EYS: variants seen among roughly 807,000 people sequenced by gnomAD.
EYS encodes the protein protein eyes shut homolog.
In EYS, 250 loss-of-function variants were observed where a neutral mutation model predicts 282.1. The ratio of observed to expected loss-of-function variants is 0.89; its 90% CI spans 0.80 to 0.98. EYS has a LOEUF of 0.98. EYS is among the 50% of genes least tolerant of loss of function. EYS has a pLI of 0.00. For synonymous variants in EYS, 1,355 were observed against 1,282.9 expected, an observed-to-expected ratio of 1.06 and a Z score of -1.20; for missense variants, 4,016 against 3,709.0, an observed-to-expected ratio of 1.08 and a Z score of -2.15.
chr6:64,711,484 T>C (rs2149934682), intron 22 of EYS, among the ~76,000 whole-genome samples: 1 of 152,328 alleles, frequency 6.6e-6, no homozygotes, highest in Non-Finnish European at 1.5e-5. Flanking sequence ...GATGAAAATC[T>C]ATTAAAATTG....
intron 26 of EYS, among the ~76,000 whole-genome samples, chr6:64,567,138 C>G (rs1765589928): frequency 6.6e-6 from 1 of 150,878 alleles, no homozygotes; most frequent in African/African-American, 2.5e-5. Context: ...TTTTTTTAAG[C>G]TAGGACTAAA....
chr6:63,751,777 T>A (rs1030845667), intron 41 of EYS, among the ~76,000 whole-genome samples: 1 of 152,194 alleles, frequency 6.6e-6, no homozygotes, highest in African/African-American at 2.4e-5. Flanking sequence ...GTATCAATTA[T>A]AGAAAAAATA....
chr6:64,740,444 G>A (rs1772331637), intron 22 of EYS, among the ~76,000 whole-genome samples: 1 of 152,232 alleles, frequency 6.6e-6, no homozygotes, highest in Admixed American at 6.5e-5. Flanking sequence ...ATCTATAGAA[G>A]CAGAGCAAAA....
At chr6:65,192,043 T>C (rs778998107) in intron 12 of EYS, among the ~76,000 whole-genome samples, 85 of 151,828 alleles carry the variant, frequency 5.6e-4, no homozygotes, top group Non-Finnish European at 5.0e-4. Context: ...AAATGGCCAA[T>C]GTAAGGAAAG....
At chr6:64,911,750 C>T (rs1767999204) in intron 16 of EYS, among the ~76,000 whole-genome samples, 1 of 152,080 alleles carries the variant, frequency 6.6e-6, no homozygotes, top group Non-Finnish European at 1.5e-5. Context: ...AGCATTTCCA[C>T]TGAAGATGGT....
At chr6:64,688,288 G>A (rs575208463) in intron 22 of EYS, among the ~76,000 whole-genome samples, 1 of 151,420 alleles carries the variant, frequency 6.6e-6, no homozygotes, top group Non-Finnish European at 1.5e-5. Flanking sequence ...GTTTGCTCTT[G>A]CTTATCTAGT....
chr6:65,366,533 A>C (rs1184525470), intron 8 of EYS, among the ~76,000 whole-genome samples: 1 of 151,724 alleles, frequency 6.6e-6, no homozygotes, highest in Non-Finnish European at 1.5e-5. Flanking sequence ...CACCATATTT[A>C]CATTCAAATT....
chr6:64,425,066 A>C (rs1407545876), intron 28 of EYS, among the ~76,000 whole-genome samples: 1 of 152,202 alleles, frequency 6.6e-6, no homozygotes, highest in African/African-American at 2.4e-5. Flanking sequence ...TGGGGTAAAA[A>C]GCATTTCAGA....
chr6:65,205,852 A>G (rs1383439211), intron 12 of EYS, among the ~76,000 whole-genome samples: 1 of 151,870 alleles, frequency 6.6e-6, no homozygotes, highest in Admixed American at 6.6e-5. Context: ...AAAAATGGAA[A>G]CACAACATAC....
intron 19 of EYS, among the ~76,000 whole-genome samples, chr6:64,828,802 C>T (rs1266720227): frequency 6.6e-6 from 1 of 151,980 alleles, no homozygotes; most frequent in African/African-American, 2.4e-5. Context: ...TAAGTTCATA[C>T]TGTTTCTGTC....
chr6:63,864,460 A>G (rs1275542437), intron 35 of EYS, 102 bp from the exon 36 acceptor site: 4 of 755,860 alleles, frequency 5.3e-6, no homozygotes, highest in East Asian at 3.1e-5. Context: ...AAATAAAATT[A>G]TAATTGCATC....
chr6:65,319,003 A>G (rs906580474), intron 11 of EYS, among the ~76,000 whole-genome samples: 2 of 150,850 alleles, frequency 1.3e-5, no homozygotes, highest in African/African-American at 2.4e-5. Context: ...TCTACTTTTG[A>G]TTTGTGTATT....
At chr6:65,224,761 T>A (rs1766574936) in intron 12 of EYS, among the ~76,000 whole-genome samples, 1 of 152,114 alleles carries the variant, frequency 6.6e-6, no homozygotes, top group South Asian at 2.1e-4. Flanking sequence ...ATAAAAGGAT[T>A]TATAAGAATA....
intron 27 of EYS, 54 bp from the exon 28 acceptor site, chr6:64,436,319 C>A: frequency 1.1e-6 from 1 of 900,208 alleles, no homozygotes; most frequent in Non-Finnish European, 1.8e-6. Flanking sequence ...GAAATTAATA[C>A]CATATATTTG....
intron 5 of EYS, among the ~76,000 whole-genome samples, chr6:65,410,988 T>C (rs1469990520): frequency 2.6e-5 from 4 of 152,034 alleles, no homozygotes; most frequent in African/African-American, 9.7e-5. Flanking sequence ...TTTTTCTAGA[T>C]GTTAAGCAAT....
At chr6:64,722,388 G>T (rs745896313) in intron 22 of EYS, among the ~76,000 whole-genome samples, 10 of 151,968 alleles carry the variant, frequency 6.6e-5, no homozygotes, top group Middle Eastern at 3.2e-3. Context: ...AGGCAACAGA[G>T]TATGGGAAAT....
At chr6:64,765,230 C>T (rs746371056) in intron 22 of EYS, among the ~76,000 whole-genome samples, 121 of 152,218 alleles carry the variant, frequency 7.9e-4, no homozygotes, top group Non-Finnish European at 1.4e-3. Flanking sequence ...TGGCATCAGT[C>T]TCTTTGCTAA....
At chr6:63,825,700 AC>A (rs775935596) in intron 36 of EYS, among the ~76,000 whole-genome samples, 44 of 152,328 alleles carry the variant, frequency 2.9e-4, no homozygotes, top group Middle Eastern at 3.4e-3. Flanking sequence ...AAGGGAGAGT[AC>A]TACATCAAGG....
chr6:64,293,473 C>G (rs1284996748), intron 30 of EYS, among the ~76,000 whole-genome samples: 1 of 151,934 alleles, frequency 6.6e-6, no homozygotes, highest in Non-Finnish European at 1.5e-5. Context: ...AATACTTCTG[C>G]CTATTATCAC....
Sources: gnomAD v4.1 joint callset for allele counts (sites outside exome capture counted in the v4.1 genomes callset) on GRCh38, gnomAD v4.1.1 for gene constraint, MANE v1.5 for transcripts, NCBI Gene and HGNC (gene_info 2026-07-23, HGNC 2026-07-21) for gene names.